The following CADM1 variants were observed in gnomAD, a reference collection of about 807,000 sequenced individuals.
CADM1 encodes TSLC-1.
In CADM1, 15 loss-of-function variants were observed where a neutral mutation model predicts 53.1. The ratio of observed to expected loss-of-function variants is 0.28; its 90% confidence interval spans 0.19 to 0.44. CADM1 has a LOEUF of 0.44. Ranked by LOEUF, CADM1 falls within the 20% of genes least tolerant of loss-of-function variation. The pLI is 1.00. For synonymous variants in CADM1, 281 were observed against 243.0 expected (o/e 1.16, Z -1.45); for missense variants, 434 against 611.3 (o/e 0.71, Z 3.06).
intron 1 of CADM1, among the ~76,000 whole-genome samples, chr11:115,250,516 A>G (rs544788508): frequency 7.9e-5 from 12 of 152,224 alleles, no homozygotes; most frequent in Non-Finnish European, 1.6e-4. Context: ...AAAGAGAAGA[A>G]AAGGAAAGTG....
intron 1 of CADM1, among the ~76,000 whole-genome samples, chr11:115,384,200 G>A (rs1215381486): frequency 6.6e-6 from 1 of 152,174 alleles, no homozygotes; most frequent in East Asian, 1.9e-4. Flanking sequence ...CCCCTTCAGT[G>A]CTTTATGGAT....
At chr11:115,323,473 A>C (rs1213291711) in intron 1 of CADM1, among the ~76,000 whole-genome samples, 1 of 152,112 alleles carries the variant, frequency 6.6e-6, no homozygotes, top group East Asian at 1.9e-4. Flanking sequence ...TAGATGGGTG[A>C]AATTTCACTT....
intron 1 of CADM1, among the ~76,000 whole-genome samples, chr11:115,323,261 A>T (rs1255141371): frequency 6.6e-6 from 1 of 152,188 alleles, no homozygotes; most frequent in Non-Finnish European, 1.5e-5. Flanking sequence ...AATTTTGAGC[A>T]ACTTTTAGTC....
chr11:115,254,793 C>T (rs959423631), intron 1 of CADM1, among the ~76,000 whole-genome samples: 2 of 152,004 alleles, frequency 1.3e-5, no homozygotes, highest in South Asian at 2.1e-4. Context: ...CAAGAAGGAA[C>T]GTTTTCTGGA....
At chr11:115,360,626 C>A (rs1946001660) in intron 1 of CADM1, among the ~76,000 whole-genome samples, 1 of 152,310 alleles carries the variant, frequency 6.6e-6, no homozygotes, top group East Asian at 1.9e-4. Context: ...CCACAAGCAG[C>A]ATTGCAATCT....
chr11:115,475,231 AT>A lies in CADM1; in HGVS notation c.124+29039del, dbSNP rs1428401786. ...AAATGCTATATAGTTGTTATACTATATTTTTTATTTGTATCATTTTTTATTG... is the reference window on the plus strand; with the variant it reads ...AAATGCTATATAGTTGTTATACTATATTTTTATTTGTATCATTTTTTATTG... On this transcript the variant is annotated intron_variant, in intron 1 of 11. Coordinates refer to ENST00000331581, the MANE Select transcript of CADM1 (RefSeq NM_001301043.2). 1.4e-4 allele frequency among the ~76,000 whole-genome samples: 22 copies of A among 152,134 alleles called. 1 individual carries two copies. The South Asian group carries it at 4.6e-3, about 32-fold the overall frequency.
chr11:115,284,539 T>A (rs11215463), intron 1 of CADM1, among the ~76,000 whole-genome samples: 14,094 of 150,290 alleles, frequency 0.094, 901 homozygotes, highest in South Asian at 0.28. Context: ...AGGAAAAACG[T>A]AAGAGGAAGA....
chr11:115,328,745 T>TAG lies in CADM1; in HGVS notation c.125-88326_125-88325insCT, dbSNP rs1555067050. Among the ~76,000 whole-genome samples, 8 of 120,078 alleles carry TAG rather than the reference T, an allele frequency of 6.7e-5. 1 individual carries two copies. The highest frequency in any genetic ancestry group is 2.5e-4 in the African/African-American group (8 of 31,414). 78.8% of individuals were successfully genotyped at this position (120,078 alleles called of 152,430 possible). ...ATATATGTATATACATATATATATA[T>TAG]ATAGAATCCAATCTCTTTTGGGGGG... On this transcript the variant is annotated intron_variant, in intron 1 of 11. Transcript: ENST00000331581.
At chr11:115,444,043 T>C (rs558629785) in intron 1 of CADM1, among the ~76,000 whole-genome samples, 3 of 152,290 alleles carry the variant, frequency 2.0e-5, no homozygotes, top group Non-Finnish European at 2.9e-5. Flanking sequence ...GGACCACTAA[T>C]ATAACTTCAG....
At chr11:115,244,602 A>G (rs1942349905) in intron 1 of CADM1, among the ~76,000 whole-genome samples, 1 of 152,170 alleles carries the variant, frequency 6.6e-6, no homozygotes, top group Non-Finnish European at 1.5e-5. Context: ...GCCTGATGTC[A>G]TTCAGCTAAG....
intron 9 of CADM1, among the ~76,000 whole-genome samples, chr11:115,196,536 T>C (rs112919121): frequency 0.031 from 4,299 of 136,562 alleles, 195 homozygotes; most frequent in African/African-American, 0.11. Flanking sequence ...TGGACCACAT[T>C]GGAAGAAGAA....
intron 1 of CADM1, among the ~76,000 whole-genome samples, chr11:115,379,268 T>C (rs1218784225): frequency 1.3e-5 from 2 of 152,192 alleles, no homozygotes; most frequent in Non-Finnish European, 2.9e-5. Context: ...AAAATTAGGA[T>C]AATAAAACTA....
At chr11:115,491,283 A>AT in intron 1 of CADM1, among the ~76,000 whole-genome samples, 1 of 151,996 alleles carries the variant, frequency 6.6e-6, no homozygotes, top group East Asian at 1.9e-4. Flanking sequence ...AAGAAAAAAA[A>AT]GGCCGGGCGC....
At chr11:115,199,878 G>A (rs1266776987) in intron 8 of CADM1, among the ~76,000 whole-genome samples, 1 of 152,226 alleles carries the variant, frequency 6.6e-6, no homozygotes, top group Non-Finnish European at 1.5e-5. Context: ...ATGAGCTGTG[G>A]AGACGCCAAA....
chr11:115,334,553 G>T (rs1279347912), intron 1 of CADM1, among the ~76,000 whole-genome samples: 1 of 151,984 alleles, frequency 6.6e-6, no homozygotes, highest in Non-Finnish European at 1.5e-5. Context: ...TTTTATTGTT[G>T]TTGTTAATCT....
intron 1 of CADM1, among the ~76,000 whole-genome samples, chr11:115,480,525 C>G (rs1415247130): frequency 6.6e-6 from 1 of 152,086 alleles, no homozygotes; most frequent in Non-Finnish European, 1.5e-5. Context: ...GATACATTGA[C>G]CTGCCTTCCC....
At chr11:115,502,429 T>G (rs1949749443) in intron 1 of CADM1, among the ~76,000 whole-genome samples, 1 of 144,056 alleles carries the variant, frequency 6.9e-6, no homozygotes, top group East Asian at 2.2e-4. Context: ...CACGTTTAAC[T>G]GACACTGGCG....
chr11:115,296,357 C>T (rs1944078619), intron 1 of CADM1, among the ~76,000 whole-genome samples: 1 of 152,126 alleles, frequency 6.6e-6, no homozygotes. Context: ...AAATCTGGTC[C>T]CCAGTGTGGT....
At chr11:115,413,630 G>A (rs1239083064) in intron 1 of CADM1, among the ~76,000 whole-genome samples, 1 of 113,704 alleles carries the variant, frequency 8.8e-6, no homozygotes, top group Non-Finnish European at 2.1e-5. Flanking sequence ...AGGGAGTGTG[G>A]CTCCAGCTCA....
Sources: allele counts gnomAD v4.1 joint callset (sites outside exome capture counted in the v4.1 genomes callset), GRCh38; gene constraint gnomAD v4.1.1; transcripts MANE v1.5; gene names NCBI Gene and HGNC (gene_info 2026-07-23, HGNC 2026-07-21).